Variants in REEP1 observed in about 807,000 individuals in gnomAD.
REEP1 encodes the protein receptor expression-enhancing protein 1.
Under a neutral mutation model 40.3 loss-of-function variants are expected in REEP1, and 22 were observed. That is an observed-to-expected ratio of 0.55 (90% confidence interval 0.39 to 0.78). The LOEUF (loss-of-function observed/expected upper bound fraction) is 0.78. Among genes scored for constraint, REEP1 ranks in the 30% least tolerant of loss-of-function variants. The pLI is 0.00. For synonymous variants in REEP1, 116 were observed against 139.2 expected (o/e 0.83, Z 1.17); for missense variants, 280 against 361.1 (o/e 0.78, Z 1.82).
chr2:86,289,256 T>C (rs960841929), intron 1 of REEP1, among the ~76,000 whole-genome samples: 1 of 152,212 alleles, frequency 6.6e-6, no homozygotes, highest in African/African-American at 2.4e-5. Flanking sequence ...TTCAATTTTA[T>C]TCTTTTCTAT....
At chr2:86,229,122 G>A (rs1312873752) in intron 6 of REEP1, among the ~76,000 whole-genome samples, 1 of 152,150 alleles carries the variant, frequency 6.6e-6, no homozygotes, top group Non-Finnish European at 1.5e-5. Context: ...TCTCTGGTTT[G>A]CTCTCCTCAC....
intron 1 of REEP1, among the ~76,000 whole-genome samples, chr2:86,296,571 C>G (rs1305813426): frequency 6.6e-6 from 1 of 152,168 alleles, no homozygotes; most frequent in Non-Finnish European, 1.5e-5. Context: ...ATTGGATTGT[C>G]TAAGGCCGGG....
intron 1 of REEP1, among the ~76,000 whole-genome samples, chr2:86,311,710 A>G (rs576797503): frequency 5.3e-5 from 8 of 152,160 alleles, no homozygotes; most frequent in Non-Finnish European, 8.8e-5. Flanking sequence ...ATTTGCAAAG[A>G]CTCTATTTCC....
At chr2:86,264,542 T>C (rs1677043137) in intron 2 of REEP1, among the ~76,000 whole-genome samples, 1 of 152,116 alleles carries the variant, frequency 6.6e-6, no homozygotes, top group Non-Finnish European at 1.5e-5. Context: ...CTACTCCTAC[T>C]TCCCTTGTTT....
intron 3 of REEP1, among the ~76,000 whole-genome samples, chr2:86,262,222 C>G (rs1459458359): frequency 2.6e-5 from 4 of 152,166 alleles, no homozygotes; most frequent in African/African-American, 9.7e-5. Flanking sequence ...CTCGTTCCAC[C>G]TAACGAGAAA....
At chr2:86,302,702 A>C (rs1027713451) in intron 1 of REEP1, among the ~76,000 whole-genome samples, 3 of 152,252 alleles carry the variant, frequency 2.0e-5, no homozygotes, top group South Asian at 4.1e-4. Context: ...TAAAGTATTA[A>C]TATATTAATG....
chr2:86,264,005 A>G lies in REEP1; in HGVS notation c.142T>C (p.Phe48Leu). The G allele has an allele frequency of 6.2e-7, 1 of 1,613,840 alleles. No homozygotes were observed. The highest frequency in any genetic ancestry group is 8.5e-7 in the Non-Finnish European group (1 of 1,179,704). The change falls in exon 3 of 9, where the codon TTC becomes CTC. Residue 48 changes from phenylalanine to leucine, a missense_variant. Physicochemically the swap from Phe to Leu is conservative, Grantham distance 22. This residue lies in a region of REEP1 where 68 missense variants were observed against 83.7 expected (regional missense o/e 0.81). Coordinates refer to ENST00000538924, the MANE Select transcript of REEP1 (RefSeq NM_001371279.1). Reference protein sequence around the residue: ...WMMYWIIFALFTTAETFTDIF... With the variant: ...WMMYWIIFALLTTAETFTDIF... ...TCTGTGAATGTCTCTGCTGTGGTGAAAAGTGCAAATATAATCCAGTACATC... is the reference window on the plus strand; with the variant it reads ...TCTGTGAATGTCTCTGCTGTGGTGAGAAGTGCAAATATAATCCAGTACATC...
chr2:86,307,605 G>C (rs55721426), intron 1 of REEP1, among the ~76,000 whole-genome samples: 5,764 of 152,082 alleles, frequency 0.038, 378 homozygotes, highest in African/African-American at 0.13. Flanking sequence ...TACAAAAAAT[G>C]TAAAAATCAG....
chr2:86,279,766 G>C (rs539887576), intron 2 of REEP1, among the ~76,000 whole-genome samples: 1 of 152,270 alleles, frequency 6.6e-6, no homozygotes, highest in South Asian at 2.1e-4. Flanking sequence ...TCTAGGAACT[G>C]GAAAAGGCAA....
At chr2:86,263,056 ATAT>A (rs1408171484) in intron 3 of REEP1, among the ~76,000 whole-genome samples, 7 of 152,254 alleles carry the variant, frequency 4.6e-5, no homozygotes, top group Admixed American at 4.6e-4. Flanking sequence ...ATGCCATGAA[ATAT>A]TATGTAGCCA....
chr2:86,214,180 A>C lies in REEP1; in HGVS notation c.*2859T>G, dbSNP rs708600. On this transcript the variant is annotated 3_prime_UTR_variant, in exon 9 of 9. Transcript: ENST00000538924. ...GAACTAGAGGAAATGTGCACAGTCA[A>C]AATCCAGAATATCAGCTCTGGGAGT... The C allele has an allele frequency of 0.32, 49,383 of 153,594 alleles. 9,577 individuals are homozygous for C. The highest frequency in any genetic ancestry group is 0.59 in the East Asian group (3,051 of 5,194). 9.5% of individuals were successfully genotyped at this position (153,594 alleles called of 1,614,324 possible). A position where few individuals can be genotyped will look rare whatever the true frequency, so the allele number is the denominator to read the frequency against.
At chr2:86,281,586 C>A (rs943654863) in intron 2 of REEP1, among the ~76,000 whole-genome samples, 3 of 152,158 alleles carry the variant, frequency 2.0e-5, no homozygotes, top group African/African-American at 7.2e-5. Context: ...CGAGGTTGTG[C>A]CACTGCTCTC....
chr2:86,312,484 C>A (rs1573032473), intron 1 of REEP1, among the ~76,000 whole-genome samples: 1 of 152,130 alleles, frequency 6.6e-6, no homozygotes, highest in African/African-American at 2.4e-5. Context: ...TAGGCAAAGA[C>A]AACACAAGAG....
chr2:86,328,170 G>C (rs1680601899), intron 1 of REEP1, among the ~76,000 whole-genome samples: 1 of 152,176 alleles, frequency 6.6e-6, no homozygotes, highest in African/African-American at 2.4e-5. Flanking sequence ...ATGAGAAAAA[G>C]TCCTTGCATG....
At chr2:86,256,564 A>G (rs1464873934) in intron 3 of REEP1, among the ~76,000 whole-genome samples, 2 of 151,988 alleles carry the variant, frequency 1.3e-5, no homozygotes, top group Non-Finnish European at 2.9e-5. Flanking sequence ...AGCCAAGCCC[A>G]AGCCTGCCCA....
intron 5 of REEP1, chr2:86,251,607 C>T: frequency 2.8e-6 from 1 of 357,210 alleles, no homozygotes; most frequent in South Asian, 2.3e-5. Flanking sequence ...TCTCCCCTGC[C>T]CTCTTCTGTT....
rs151078645 is a variant in REEP1 at position 86,220,194 on chromosome 2, A to G, written c.632-73T>C. 74 of 1,096,162 alleles carry G rather than the reference A, an allele frequency of 6.8e-5. No individual in the cohort carries two copies. The East Asian group carries it at 2.1e-3, about 31-fold the overall frequency. 67.9% of individuals were successfully genotyped at this position (1,096,162 alleles called of 1,614,324 possible). A position where few individuals can be genotyped will look rare whatever the true frequency, so the allele number is the denominator to read the frequency against. The stretch of plus-strand genomic sequence containing the variant: ...GAAGCATCAGTGCAGGGAGCAGGGA[A>G]GGGCAAGGTTAGGCACACAGCACAG... On this transcript the variant is annotated intron_variant, in intron 7 of 8. Transcript: ENST00000538924.
chr2:86,232,414 C>A (rs1675069132), intron 6 of REEP1, among the ~76,000 whole-genome samples: 2 of 152,214 alleles, frequency 1.3e-5, no homozygotes, highest in South Asian at 2.1e-4. Flanking sequence ...GGTGACCTAG[C>A]CCTGTCCCTG....
chr2:86,319,232 GC>G (rs1167702325), intron 1 of REEP1, among the ~76,000 whole-genome samples: 5 of 152,188 alleles, frequency 3.3e-5, no homozygotes, highest in African/African-American at 1.2e-4. Flanking sequence ...TCTGGAGGGG[GC>G]GAGGCTGAGA....
Sources: gnomAD v4.1 joint callset for allele counts (sites outside exome capture counted in the v4.1 genomes callset) on GRCh38, gnomAD v4.1.1 for gene constraint, gnomAD v4.1.1 regional missense constraint, MANE v1.5 for transcripts, NCBI Gene and HGNC (gene_info 2026-07-23, HGNC 2026-07-21) for gene names.